NCKAP5: variants seen among roughly 807,000 people sequenced by gnomAD.
NCKAP5 encodes the protein NCK associated protein 5.
Under a neutral mutation model 167.0 loss-of-function variants are expected in NCKAP5, and 92 were observed. That is an observed-to-expected ratio of 0.55 (90% CI 0.47 to 0.66). The LOEUF (loss-of-function observed/expected upper bound fraction) is 0.66. Among genes scored for constraint, NCKAP5 ranks in the 30% least tolerant of loss-of-function variants. The pLI, the probability that NCKAP5 is intolerant of heterozygous loss-of-function variation, is 0.00. For missense variants in NCKAP5, 2,378 were observed against 2,315.0 expected, an observed-to-expected ratio of 1.03 and a Z score of -0.56; for synonymous variants, 891 against 877.4, an observed-to-expected ratio of 1.02 and a Z score of -0.27.
rs970100784 is a variant in NCKAP5 at position 133,182,074 on chromosome 2, T to C, written c.207+31642A>G. The stretch of plus-strand genomic sequence containing the variant: ...ACCAAGAAGACATAGTAATCATTAA[T>C]GTGCACCAATCAAGAGCTGGAAAAT... On this transcript the variant is annotated intron_variant, in intron 5 of 19. Transcript: ENST00000409261. Among the ~76,000 whole-genome samples the C allele has an allele frequency of 3.9e-5, 6 of 152,250 alleles. No homozygotes were observed. In the East Asian group the frequency reaches 5.8e-4, roughly 15 times the overall value.
intron 6 of NCKAP5, among the ~76,000 whole-genome samples, chr2:133,010,563 C>T (rs1445721868): frequency 6.6e-6 from 1 of 152,138 alleles, no homozygotes. Context: ...GCTCAGGTTT[C>T]CTTTAGTGTT....
At chr2:132,919,300 G>T (rs1695124975) in intron 8 of NCKAP5, among the ~76,000 whole-genome samples, 2 of 152,260 alleles carry the variant, frequency 1.3e-5, no homozygotes, top group East Asian at 1.9e-4. Context: ...CAATTACCCT[G>T]CCACAGAGAA....
intron 5 of NCKAP5, among the ~76,000 whole-genome samples, chr2:133,156,457 T>C (rs985060532): frequency 6.6e-6 from 1 of 152,176 alleles, no homozygotes; most frequent in African/African-American, 2.4e-5. Flanking sequence ...CCCAAAAATA[T>C]GTGCTGAGAA....
intron 4 of NCKAP5, among the ~76,000 whole-genome samples, chr2:133,287,070 G>C (rs1395835588): frequency 1.3e-5 from 2 of 152,082 alleles, no homozygotes; most frequent in Admixed American, 6.6e-5. Flanking sequence ...ACCTTCCTCG[G>C]GATGGTAATA....
chr2:133,421,210 T>G (rs991560859), intron 3 of NCKAP5, among the ~76,000 whole-genome samples: 26 of 152,106 alleles, frequency 1.7e-4, no homozygotes, highest in African/African-American at 6.3e-4. Flanking sequence ...GCTCCCTCAT[T>G]CCACATTACA....
chr2:133,213,861 G>A, intron 4 of NCKAP5, 82 bp from the exon 5 acceptor site: 2 of 1,326,884 alleles, frequency 1.5e-6, no homozygotes, highest in African/African-American at 1.4e-5. Context: ...ATTCTTTTGA[G>A]GTCTCTAGAG....
At chr2:133,207,067 C>T (rs921546822) in intron 5 of NCKAP5, among the ~76,000 whole-genome samples, 2 of 152,074 alleles carry the variant, frequency 1.3e-5, no homozygotes, top group Admixed American at 1.3e-4. Context: ...TCTAATTTTG[C>T]CTTCTCCTTG....
In NCKAP5 at chr2:132,784,740, CAGTGACAACCCCAGTCT is replaced by C; in HGVS notation, c.2054_2070del (p.Gln685ArgfsTer5). 1 of 1,613,936 alleles carries C rather than the reference CAGTGACAACCCCAGTCT, an allele frequency of 6.2e-7. No individual in the cohort carries two copies. Among genetic ancestry groups the C allele is most frequent in the Non-Finnish European group, 8.5e-7 (1 of 1,179,830 alleles). Reference sequence around the variant, plus strand: ...TTGATGGAAATCTCATTTCTGGTAACAGTGACAACCCCAGTCTGGTGAGAGCTGAATTCAATGGGCTC... The same window carrying C: ...TTGATGGAAATCTCATTTCTGGTAACGGTGAGAGCTGAATTCAATGGGCTC... On this transcript the variant is annotated frameshift_variant, in exon 14 of 20. Transcript: ENST00000409261. LOFTEE classifies it high-confidence loss of function.
intron 2 of NCKAP5, among the ~76,000 whole-genome samples, chr2:133,518,683 G>A (rs556928129): frequency 3.9e-5 from 6 of 151,918 alleles, no homozygotes; most frequent in African/African-American, 1.5e-4. Context: ...CACTAGCCAA[G>A]TGACCTTGGA....
chr2:132,805,490 A>T (rs1685357640), intron 11 of NCKAP5, among the ~76,000 whole-genome samples: 1 of 152,188 alleles, frequency 6.6e-6, no homozygotes, highest in African/African-American at 2.4e-5. Flanking sequence ...CACAAACATC[A>T]TTCATTCATT....
chr2:133,132,834 G>A (rs984529679), intron 5 of NCKAP5, among the ~76,000 whole-genome samples: 4 of 151,698 alleles, frequency 2.6e-5, no homozygotes, highest in Admixed American at 6.6e-5. Flanking sequence ...CCGCAACCAC[G>A]CCCGGCTAAT....
chr2:132,775,612 T>C (rs1553434928), intron 15 of NCKAP5, among the ~76,000 whole-genome samples: 1 of 152,190 alleles, frequency 6.6e-6, no homozygotes, highest in Admixed American at 6.5e-5. Flanking sequence ...TATTTACAGA[T>C]GGCAGGGAGG....
At chr2:133,501,735 T>A (rs1682536297) in intron 3 of NCKAP5, among the ~76,000 whole-genome samples, 1 of 152,238 alleles carries the variant, frequency 6.6e-6, no homozygotes, top group South Asian at 2.1e-4. Context: ...TAGTTAATAT[T>A]AACAAGAGCT....
At chr2:133,269,897 G>A (rs12613208) in intron 4 of NCKAP5, among the ~76,000 whole-genome samples, 15,655 of 152,194 alleles carry the variant, frequency 0.1, 1,050 homozygotes, top group Middle Eastern at 0.19. Context: ...TGCTTTGAAT[G>A]TAGAGCCAAC....
chr2:133,539,972 A>G (rs1686086382), intron 2 of NCKAP5, among the ~76,000 whole-genome samples: 2 of 152,178 alleles, frequency 1.3e-5, no homozygotes. Context: ...TGAGGTCAGG[A>G]GATCGAGACC....
intron 2 of NCKAP5, among the ~76,000 whole-genome samples, chr2:133,538,281 C>T (rs1685911561): frequency 6.6e-6 from 1 of 152,054 alleles, no homozygotes; most frequent in Admixed American, 6.5e-5. Context: ...TTGTCTTTTC[C>T]TTAGAAATAT....
At chr2:133,229,731 C>T (rs1424758412) in intron 4 of NCKAP5, among the ~76,000 whole-genome samples, 4 of 152,120 alleles carry the variant, frequency 2.6e-5, no homozygotes, top group African/African-American at 9.7e-5. Flanking sequence ...AACCTTAATG[C>T]TATGCTAGCA....
chr2:133,115,185 T>A (rs1388113729), intron 6 of NCKAP5, among the ~76,000 whole-genome samples: 2 of 152,200 alleles, frequency 1.3e-5, no homozygotes, highest in African/African-American at 4.8e-5. Context: ...AAAGCTGACA[T>A]GCTTTAATAC....
chr2:132,793,822 C>A (rs1684268550), intron 12 of NCKAP5, among the ~76,000 whole-genome samples: 1 of 152,142 alleles, frequency 6.6e-6, no homozygotes, highest in Non-Finnish European at 1.5e-5. Context: ...CTGGGAAATT[C>A]TCCCACTTCC....
Sources: gnomAD v4.1 joint callset for allele counts (sites outside exome capture counted in the v4.1 genomes callset) on GRCh38, gnomAD v4.1.1 for gene constraint, MANE v1.5 for transcripts, NCBI Gene and HGNC (gene_info 2026-07-23, HGNC 2026-07-21) for gene names.